The following NFATC2 variants were observed in gnomAD, a reference collection of about 807,000 sequenced individuals.
NFATC2 encodes nuclear factor of activated T cells 2.
A neutral mutation model predicts 87.3 loss-of-function variants in NFATC2; 22 were observed. The ratio of observed to expected loss-of-function variants is 0.25; its 90% CI spans 0.18 to 0.36. The LOEUF is 0.36. NFATC2 is among the 10% of genes least tolerant of loss of function. NFATC2 has a pLI of 1.00. For missense variants in NFATC2, 1,149 were observed against 1,259.1 expected (o/e 0.91, Z 1.32); for synonymous variants, 565 against 542.2 (o/e 1.04, Z -0.58).
chr20:51,410,498 T>TATTTATATGC (rs1165850513), intron 9 of NFATC2, among the ~76,000 whole-genome samples: 1 of 151,864 alleles, frequency 6.6e-6, no homozygotes, highest in Non-Finnish European at 1.5e-5. Context: ...ATTTTAAACA[T>TATTTATATGC]ATTTATATGC....
chr20:51,397,798 T>C (rs756583895), intron 10 of NFATC2, among the ~76,000 whole-genome samples: 1 of 152,302 alleles, frequency 6.6e-6, no homozygotes, highest in South Asian at 2.1e-4. Context: ...GGTGTACTAA[T>C]ATAAACTCTA....
In NFATC2 at chr20:51,387,557, G is replaced by A. The variant is rs778770764; in HGVS notation, c.*3939C>T. 3.3e-5 allele frequency: 5 copies of A among 152,196 alleles called. No individual in the cohort carries two copies. Among genetic ancestry groups the A allele is most frequent in the Non-Finnish European group, 5.9e-5 (4 of 68,038 alleles). The allele number at this position is 152,196 out of a possible 1,614,324, so 9.4% of individuals were successfully genotyped here. On this transcript the variant is annotated 3_prime_UTR_variant, in exon 11 of 11. Transcript: ENST00000371564. Reference sequence around the variant, plus strand: ...GGCACTCACAAAAGCTGAGGGAAATGGATGTTTATGATCACAATTTTATAG... The same window carrying A: ...GGCACTCACAAAAGCTGAGGGAAATAGATGTTTATGATCACAATTTTATAG...
chr20:51,504,923 G>A (rs745413063), intron 3 of NFATC2, among the ~76,000 whole-genome samples: 1 of 146,526 alleles, frequency 6.8e-6, no homozygotes, highest in Non-Finnish European at 1.5e-5. Context: ...AGGCGCAGGG[G>A]AAAAAAAAGA....
rs1196362285 is a variant in NFATC2, at chr20:51,562,279, A to G, written c.70+281T>C. The stretch of plus-strand genomic sequence containing the variant: ...TCCCTCCCGGTGTCCCGTGGAGAGG[A>G]AAATCCTCCCGACAGACTGGCCTAG... On this transcript the variant is annotated intron_variant, in intron 1 of 10. Transcript: ENST00000414705. The surrounding 1 kb of genome is among the most constrained non-coding windows in gnomAD (Gnocchi z 5.8). Among the ~76,000 whole-genome samples, 1 of 152,212 alleles carries G rather than the reference A, an allele frequency of 6.6e-6. No homozygotes were observed. The highest frequency in any genetic ancestry group is 2.4e-5 in the African/African-American group (1 of 41,464).
chr20:51,493,783 T>A (rs1340783801), intron 3 of NFATC2, among the ~76,000 whole-genome samples: 1 of 152,092 alleles, frequency 6.6e-6, no homozygotes, highest in Non-Finnish European at 1.5e-5. Context: ...CAGCACCATG[T>A]CCCCAGAGAG....
chr20:51,397,644 A>C (rs191067277), intron 10 of NFATC2, among the ~76,000 whole-genome samples: 1 of 152,278 alleles, frequency 6.6e-6, no homozygotes, highest in African/African-American at 2.4e-5. Context: ...CCTCAGATGC[A>C]AAAAGTCCTG....
At chr20:51,413,658 G>A (rs1364616311) in intron 9 of NFATC2, among the ~76,000 whole-genome samples, 2 of 152,188 alleles carry the variant, frequency 1.3e-5, no homozygotes, top group Non-Finnish European at 2.9e-5. Flanking sequence ...CCAGGAGGCT[G>A]AGGTGGGAGG....
chr20:51,491,409 G>A (rs933875305), intron 3 of NFATC2, among the ~76,000 whole-genome samples: 1 of 152,146 alleles, frequency 6.6e-6, no homozygotes, highest in African/African-American at 2.4e-5. Context: ...GTTTGCATGC[G>A]CTGTGCCTGT....
chr20:51,465,424 T>C (rs1008357208), intron 5 of NFATC2, among the ~76,000 whole-genome samples: 1 of 152,240 alleles, frequency 6.6e-6, no homozygotes. Context: ...ACCTCCTACT[T>C]GGAACCCATG....
chr20:51,467,382 C>A (rs1987792869), intron 5 of NFATC2, among the ~76,000 whole-genome samples: 2 of 151,794 alleles, frequency 1.3e-5, no homozygotes, highest in South Asian at 2.1e-4. Context: ...CATGGTGAAA[C>A]CCCGTCTCTA....
At chr20:51,442,300 C>G (rs972561660) in intron 6 of NFATC2, among the ~76,000 whole-genome samples, 23 of 152,082 alleles carry the variant, frequency 1.5e-4, no homozygotes, top group African/African-American at 5.1e-4. Context: ...GGTGTGGTGG[C>G]ACGTGCCTGT....
At chr20:51,543,444 AAG>A (rs1408699771), upstream of NFATC2, among the ~76,000 whole-genome samples, 13 of 152,210 alleles carry the variant, frequency 8.5e-5, no homozygotes, top group Non-Finnish European at 1.8e-4. Context: ...TTGGGTGGTC[AAG>A]GAGGACCTCT....
At chr20:51,504,222 A>C (rs916824793) in intron 3 of NFATC2, among the ~76,000 whole-genome samples, 2 of 152,126 alleles carry the variant, frequency 1.3e-5, no homozygotes, top group Non-Finnish European at 2.9e-5. Flanking sequence ...GGGTTTCTCC[A>C]TGTTGGTCAG....
intron 1 of NFATC2, among the ~76,000 whole-genome samples, chr20:51,551,345 T>A (rs891625783): frequency 2.0e-5 from 3 of 152,222 alleles, no homozygotes; most frequent in African/African-American, 7.2e-5. Context: ...TGAGCCACAC[T>A]GCACCCTAAG....
rs1555861847 is a variant in NFATC2 at position 51,391,455 on chromosome 20, C to T, written c.*45-4G>A. ...TCCTTCCTGATAATTTCATTAACTA[C>T]AAAAGAAAAGAGGAGGGGGGGGGAG... On this transcript the variant is annotated splice_polypyrimidine_tract_variant and splice_region_variant and intron_variant, in intron 10 of 10. Transcript: ENST00000371564. 1 of 763,296 alleles carries T rather than the reference C, an allele frequency of 1.3e-6. No homozygotes were observed. Among genetic ancestry groups the T allele is most frequent in the Non-Finnish European group, 2.0e-6 (1 of 489,774 alleles). 47.3% of individuals were successfully genotyped at this position (763,296 alleles called of 1,614,324 possible).
At chr20:51,447,398 G>A (rs113820366) in intron 6 of NFATC2, among the ~76,000 whole-genome samples, 124 of 152,310 alleles carry the variant, frequency 8.1e-4, no homozygotes, top group South Asian at 4.6e-3. Context: ...CTACGCCCCC[G>A]CAGGACACAC....
At chr20:51,548,439 CA>C (rs2076907250) in intron 1 of NFATC2, among the ~76,000 whole-genome samples, 3 of 152,276 alleles carry the variant, frequency 2.0e-5, no homozygotes, top group African/African-American at 7.2e-5. Context: ...GCAGTCCCCA[CA>C]AGGGCAGGGA....
chr20:51,539,706 C>T (rs2076776078), intron 1 of NFATC2, among the ~76,000 whole-genome samples: 1 of 151,986 alleles, frequency 6.6e-6, no homozygotes, highest in African/African-American at 2.4e-5. Context: ...GCTATGTTGC[C>T]CCAGCTGGTC....
chr20:51,479,357 C>T (rs922859177), intron 3 of NFATC2, among the ~76,000 whole-genome samples: 1 of 152,184 alleles, frequency 6.6e-6, no homozygotes, highest in African/African-American at 2.4e-5. Flanking sequence ...GTGGCTCATG[C>T]CTGTAATCCC....
Sources: allele counts gnomAD v4.1 joint callset (sites outside exome capture counted in the v4.1 genomes callset), GRCh38; gene constraint gnomAD v4.1.1; non-coding constraint Gnocchi (gnomAD v3.1); transcripts MANE v1.5; gene names NCBI Gene and HGNC (gene_info 2026-07-23, HGNC 2026-07-21).